The following NAALADL2 variants were observed in gnomAD, a reference collection of about 807,000 sequenced individuals.
The protein encoded by NAALADL2 is inactive N-acetylated-alpha-linked acidic dipeptidase-like protein 2.
NAALADL2 carries 76 observed loss-of-function variants against 87.2 expected under a neutral mutation model. The ratio of observed to expected loss-of-function variants is 0.87; its 90% confidence interval spans 0.72 to 1.05. The LOEUF is 1.05. Ranked by LOEUF, NAALADL2 falls within the 50% of genes least tolerant of loss-of-function variation. The probability of loss-of-function intolerance (pLI) is 0.00; values close to 1 mark genes in which losing one functional copy is unlikely to be tolerated. For missense variants in NAALADL2, 1,089 were observed against 945.8 expected (o/e 1.15, Z -1.99); for synonymous variants, 354 against 331.0 (o/e 1.07, Z -0.75).
At chr3:175,551,327 G>T (rs992342463) in intron 9 of NAALADL2, among the ~76,000 whole-genome samples, 1 of 151,992 alleles carries the variant, frequency 6.6e-6, no homozygotes, top group Non-Finnish European at 1.5e-5. Flanking sequence ...TGTAGGGAGG[G>T]GAGTTTTTAG....
chr3:175,426,412 G>A (rs1716796300), intron 5 of NAALADL2, among the ~76,000 whole-genome samples: 1 of 152,086 alleles, frequency 6.6e-6, no homozygotes, highest in Non-Finnish European at 1.5e-5. Flanking sequence ...TCATTGTTAT[G>A]TATTTATAAG....
intron 2 of NAALADL2, among the ~76,000 whole-genome samples, chr3:175,160,360 C>CTTTCTTTTTT (rs1732976373): frequency 1.8e-5 from 1 of 57,038 alleles, no homozygotes; most frequent in African/African-American, 5.4e-5. Context: ...TCTTTTCTTT[C>CTTTCTTTTTT]TTTTTTTTTT....
At chr3:175,338,622 A>AACACACACACACAC (rs202022603) in intron 5 of NAALADL2, among the ~76,000 whole-genome samples, 2 of 88,466 alleles carry the variant, frequency 2.3e-5, no homozygotes, top group African/African-American at 4.3e-5. Flanking sequence ...AAACACCACA[A>AACACACACACACAC]ACACACACAC....
intron 1 of NAALADL2, among the ~76,000 whole-genome samples, chr3:174,914,451 T>C (rs539930827): frequency 6.6e-6 from 1 of 152,166 alleles, no homozygotes; most frequent in Non-Finnish European, 1.5e-5. Context: ...ACTTGGGAAG[T>C]CGATAGATCT....
chr3:175,487,039 G>A (rs569102882), intron 9 of NAALADL2, among the ~76,000 whole-genome samples: 151 of 152,268 alleles, frequency 9.9e-4, no homozygotes, highest in Non-Finnish European at 1.9e-3. Context: ...ACTTAAGTCA[G>A]ATCATTCTGT....
intron 3 of NAALADL2, among the ~76,000 whole-genome samples, chr3:174,739,918 A>G (rs1733606760): frequency 6.6e-6 from 1 of 152,102 alleles, no homozygotes; most frequent in Non-Finnish European, 1.5e-5. Flanking sequence ...GTGGAAAATA[A>G]CAATAAACAT....
chr3:174,598,538 C>T (rs976762636), intron 2 of NAALADL2, among the ~76,000 whole-genome samples: 8 of 152,196 alleles, frequency 5.3e-5, no homozygotes, highest in South Asian at 4.1e-4. Context: ...TTAATTAGTT[C>T]TCCGAAGTGG....
chr3:175,484,424 T>C (rs1181481477), intron 9 of NAALADL2, among the ~76,000 whole-genome samples: 1 of 152,138 alleles, frequency 6.6e-6, no homozygotes, highest in Non-Finnish European at 1.5e-5. Context: ...ATAGTTAAAA[T>C]GCCACTGTAT....
intron 3 of NAALADL2, among the ~76,000 whole-genome samples, chr3:174,819,430 A>C (rs1280841441): frequency 6.6e-6 from 1 of 151,972 alleles, no homozygotes; most frequent in Non-Finnish European, 1.5e-5. Flanking sequence ...CAATCAGCAA[A>C]AAAGCAATAA....
chr3:175,688,813 GC>G (rs1736668697), intron 11 of NAALADL2, among the ~76,000 whole-genome samples: 2 of 152,122 alleles, frequency 1.3e-5, no homozygotes, highest in Admixed American at 1.3e-4. Context: ...TCTGCCCAAG[GC>G]CTCAAAGAGG....
intron 2 of NAALADL2, among the ~76,000 whole-genome samples, chr3:174,623,108 A>G (rs1302989579): frequency 1.3e-5 from 2 of 152,198 alleles, no homozygotes; most frequent in Non-Finnish European, 2.9e-5. Flanking sequence ...TATGGGTCCC[A>G]TGGTGTTATT....
At chr3:175,023,467 T>G (rs2108874795) in intron 1 of NAALADL2, among the ~76,000 whole-genome samples, 1 of 152,164 alleles carries the variant, frequency 6.6e-6, no homozygotes, top group African/African-American at 2.4e-5. Flanking sequence ...CTAATCTGAG[T>G]TGGACGTTCC....
intron 5 of NAALADL2, among the ~76,000 whole-genome samples, chr3:175,410,600 G>GA (rs5854627): frequency 0.8 from 121,059 of 151,140 alleles, 48,559 homozygotes; most frequent in Middle Eastern, 0.87. Flanking sequence ...TAGTCTAGAG[G>GA]AAAAAAAAAT....
At chr3:175,048,181 A>C (rs1305982002) in intron 1 of NAALADL2, among the ~76,000 whole-genome samples, 1 of 152,012 alleles carries the variant, frequency 6.6e-6, no homozygotes, top group Non-Finnish European at 1.5e-5. Flanking sequence ...TTTTCCCCCT[A>C]AAATGGCAAA....
intron 2 of NAALADL2, among the ~76,000 whole-genome samples, chr3:174,700,474 T>A (rs1415015170): frequency 2.0e-5 from 3 of 152,052 alleles, no homozygotes; most frequent in Admixed American, 1.3e-4. Flanking sequence ...AGTATAACGC[T>A]CTCCATGGAA....
intron 2 of NAALADL2, among the ~76,000 whole-genome samples, chr3:174,721,592 T>C (rs1731717071): frequency 6.6e-6 from 1 of 152,194 alleles, no homozygotes. Flanking sequence ...AAAATAAGTT[T>C]GATGGTATGG....
chr3:175,357,405 A>G (rs1277860590), intron 5 of NAALADL2, among the ~76,000 whole-genome samples: 1 of 152,230 alleles, frequency 6.6e-6, no homozygotes, highest in Non-Finnish European at 1.5e-5. Context: ...CATTCTTAGT[A>G]CATTATTTTC....
chr3:175,212,635 T>C (rs906739440), intron 2 of NAALADL2, among the ~76,000 whole-genome samples: 2 of 151,044 alleles, frequency 1.3e-5, no homozygotes, highest in Admixed American at 6.6e-5. Flanking sequence ...TCACTTCATC[T>C]TTTCCTCTCT....
In NAALADL2 at chr3:175,097,255, A is replaced by G. The variant is rs1457081371; in HGVS notation, c.509A>G (p.Lys170Arg). ...VDPQLYQEIL[K>R]TIQAEDIKKS... ...CCTCAGTTATATCAAGAGATTCTCA[A>G]GACAATCCAGGCAGAAGATATTAAG... Residue 170 changes from lysine to arginine, a missense_variant, in exon 2 of 14, where the codon AAG becomes AGG. Coordinates refer to ENST00000454872, the MANE Select transcript of NAALADL2 (RefSeq NM_207015.3). The G allele has an allele frequency of 1.9e-6, 3 of 1,612,666 alleles. No homozygotes were observed. Among genetic ancestry groups the G allele is most frequent in the Non-Finnish European group, 1.7e-6 (2 of 1,179,154 alleles).
Sources: gnomAD v4.1 joint callset for allele counts (sites outside exome capture counted in the v4.1 genomes callset) on GRCh38, gnomAD v4.1.1 for gene constraint, MANE v1.5 for transcripts, NCBI Gene and HGNC (gene_info 2026-07-23, HGNC 2026-07-21) for gene names.